KIAA1549L: variants seen among roughly 807,000 people sequenced by gnomAD.
The protein encoded by KIAA1549L is UPF0606 protein KIAA1549L.
A neutral mutation model predicts 160.7 loss-of-function variants in KIAA1549L; 88 were observed. The observed-to-expected ratio is 0.55, with a 90% confidence interval of 0.46 to 0.65. KIAA1549L has a LOEUF of 0.65. KIAA1549L is among the 30% of genes least tolerant of loss of function. KIAA1549L has a pLI of 0.00. For synonymous variants in KIAA1549L, 950 were observed against 976.7 expected, an observed-to-expected ratio of 0.97 and a Z score of 0.51; for missense variants, 2,258 against 2,437.5, an observed-to-expected ratio of 0.93 and a Z score of 1.55.
intron 1 of KIAA1549L, among the ~76,000 whole-genome samples, chr11:33,447,984 G>A (rs1330265883): frequency 1.3e-5 from 2 of 152,150 alleles, no homozygotes; most frequent in African/African-American, 2.4e-5. Flanking sequence ...GCCTTGCCTC[G>A]CCATGTAGTG....
chr11:33,460,146 G>C (rs1041685853), intron 1 of KIAA1549L, among the ~76,000 whole-genome samples: 4 of 152,072 alleles, frequency 2.6e-5, no homozygotes, highest in Non-Finnish European at 4.4e-5. Context: ...GGCTGTCTTG[G>C]ACAGGGCCAC....
intron 1 of KIAA1549L, among the ~76,000 whole-genome samples, chr11:33,520,047 G>C (rs894036702): frequency 5.9e-5 from 9 of 151,504 alleles, no homozygotes; most frequent in African/African-American, 1.9e-4. Context: ...GGTATACCAT[G>C]AAACCATCAA....
rs1183172163 is a variant in KIAA1549L at position 33,667,310 on chromosome 11, AATATATATTCCTAAGGTTTTTCAGC to A, written c.6160-561_6160-537del. Among the ~76,000 whole-genome samples, 44 of 152,226 alleles carry A rather than the reference AATATATATTCCTAAGGTTTTTCAGC, an allele frequency of 2.9e-4. 1 individual carries two copies. The highest frequency in any genetic ancestry group is 1.0e-3 in the African/African-American group (42 of 41,526). On this transcript the variant is annotated intron_variant, in intron 20 of 20. Coordinates refer to ENST00000658780, the MANE Select transcript of KIAA1549L (RefSeq NM_012194.3). Reference sequence around the variant, plus strand: ...ATATCTTCCTAAGGTTTTTCAGCAAAATATATATTCCTAAGGTTTTTCAGCAAAGTTTAAAACACCTATTTAATTC... The same window carrying A: ...ATATCTTCCTAAGGTTTTTCAGCAAAAAAGTTTAAAACACCTATTTAATTC...
intron 16 of KIAA1549L, among the ~76,000 whole-genome samples, chr11:33,638,448 A>AT (rs1851503428): frequency 5.2e-5 from 1 of 19,402 alleles, no homozygotes; most frequent in South Asian, 1.0e-3. Context: ...AAATAAATAA[A>AT]TAAATAAATA....
In KIAA1549L at chr11:33,551,260, G is replaced by C. The variant is rs1216929640; in HGVS notation, c.3721+1G>C. 6.2e-7 allele frequency: 1 copy of C among 1,611,736 alleles called. No homozygotes were observed. Among genetic ancestry groups the C allele is most frequent in the Admixed American group, 1.7e-5 (1 of 59,930 alleles). ...GCAGGCTACTTCCAGCTAAAAACAG[G>C]CAAGTGACTCGGAAGGAAGGGATTT... On this transcript the variant is annotated splice_donor_variant, in intron 5 of 20. Transcript: ENST00000658780. LOFTEE classifies it high-confidence loss of function.
intron 1 of KIAA1549L, among the ~76,000 whole-genome samples, chr11:33,481,432 A>G (rs1158663219): frequency 6.6e-6 from 1 of 152,244 alleles, no homozygotes; most frequent in African/African-American, 2.4e-5. Context: ...AGATAGTTTT[A>G]ATGCATAAAT....
intron 4 of KIAA1549L, among the ~76,000 whole-genome samples, chr11:33,549,192 T>G (rs1458271938): frequency 6.6e-6 from 1 of 152,208 alleles, no homozygotes; most frequent in Non-Finnish European, 1.5e-5. Context: ...AGCACATTTT[T>G]TTGAAAGGGC....
chr11:33,514,074 A>G (rs867404366), intron 1 of KIAA1549L, among the ~76,000 whole-genome samples: 1 of 152,214 alleles, frequency 6.6e-6, no homozygotes, highest in Non-Finnish European at 1.5e-5. Context: ...TCAGAGAGAA[A>G]GGTTGAGTCT....
rs139943321 is a variant in KIAA1549L, at chr11:33,480,959, A to G, written c.239-60843A>G. ...ACCCTCCGCTAAATCTACCATTAGC[A>G]ACTCACATTTTTTTCCCATAGAACT... On this transcript the variant is annotated intron_variant, in intron 1 of 20. Transcript: ENST00000658780. Among the ~76,000 whole-genome samples, 68 of 152,352 alleles carry G rather than the reference A, an allele frequency of 4.5e-4. No homozygotes were observed. In the Middle Eastern group the frequency reaches 0.014, roughly 30 times the overall value.
chr11:33,582,587 G>T (rs7119677), intron 10 of KIAA1549L, among the ~76,000 whole-genome samples: 31,668 of 152,076 alleles, frequency 0.21, 3,671 homozygotes, highest in East Asian at 0.36. Flanking sequence ...GTAAATCATA[G>T]GATGAGCTTT....
intron 16 of KIAA1549L, among the ~76,000 whole-genome samples, chr11:33,642,400 T>G (rs185183465): frequency 2.3e-3 from 352 of 152,296 alleles, no homozygotes; most frequent in Non-Finnish European, 3.8e-3. Flanking sequence ...CAAGGCAAGT[T>G]ACTTCTATAG....
intron 1 of KIAA1549L, among the ~76,000 whole-genome samples, chr11:33,405,697 C>A (rs916099718): frequency 1.1e-4 from 16 of 151,720 alleles, no homozygotes; most frequent in African/African-American, 3.4e-4. Context: ...CAAAAATTAG[C>A]CAGGCGTGGT....
chr11:33,664,311 A>G (rs1199323826), intron 20 of KIAA1549L, among the ~76,000 whole-genome samples: 1 of 150,764 alleles, frequency 6.6e-6, no homozygotes, highest in Non-Finnish European at 1.5e-5. Flanking sequence ...TCCTTTCCAA[A>G]TATAGACTCC....
At chr11:33,530,430 AAAAAAAATATATATATATATATAT>A (rs1475033910) in intron 1 of KIAA1549L, among the ~76,000 whole-genome samples, 317 of 14,394 alleles carry the variant, frequency 0.022, 31 homozygotes, top group African/African-American at 0.06. Context: ...AAAAAAAAAA[AAAAAAAATATATATATATATATAT>A]ATATATATAT....
chr11:33,380,479 C>T (rs368065398), intron 1 of KIAA1549L, among the ~76,000 whole-genome samples: 13 of 152,136 alleles, frequency 8.5e-5, no homozygotes, highest in Non-Finnish European at 1.6e-4. Context: ...GCATCAGTGA[C>T]GTATGGTGAT....
At chr11:33,616,488 C>T (rs1471902504) in intron 15 of KIAA1549L, among the ~76,000 whole-genome samples, 1 of 152,058 alleles carries the variant, frequency 6.6e-6, no homozygotes, top group East Asian at 1.9e-4. Flanking sequence ...GGAAAGGGAG[C>T]CCCCAAGTGA....
chr11:33,457,178 G>A (rs1180033483), intron 1 of KIAA1549L, among the ~76,000 whole-genome samples: 1 of 152,122 alleles, frequency 6.6e-6, no homozygotes, highest in Non-Finnish European at 1.5e-5. Flanking sequence ...AGGGGTTTGG[G>A]GGAGTGTTGA....
At chr11:33,582,228 A>G (rs982639193) in intron 10 of KIAA1549L, among the ~76,000 whole-genome samples, 3 of 152,236 alleles carry the variant, frequency 2.0e-5, no homozygotes, top group African/African-American at 4.8e-5. Context: ...CTGTACTAAT[A>G]GTATTCTGAG....
chr11:33,521,579 G>C (rs1473037732), intron 1 of KIAA1549L, among the ~76,000 whole-genome samples: 1 of 152,140 alleles, frequency 6.6e-6, no homozygotes, highest in African/African-American at 2.4e-5. Context: ...GTGTGGAAAG[G>C]GTAAGTTTCA....
Sources: allele counts gnomAD v4.1 joint callset (sites outside exome capture counted in the v4.1 genomes callset), GRCh38; gene constraint gnomAD v4.1.1; transcripts MANE v1.5; gene names NCBI Gene and HGNC (gene_info 2026-07-23, HGNC 2026-07-21).